LATS2: variants seen among roughly 807,000 people sequenced by gnomAD.
LATS2 encodes the protein large tumor suppressor kinase 2, also known as serine/threonine-protein kinase LATS2.
A neutral mutation model predicts 76.0 loss-of-function variants in LATS2; 24 were observed. That is an observed-to-expected ratio of 0.32 (90% CI 0.23 to 0.44). LATS2 has a LOEUF of 0.44. Ranked by LOEUF, LATS2 falls within the 20% of genes least tolerant of loss-of-function variation. LATS2 has a pLI of 1.00. For synonymous variants in LATS2, 692 were observed against 635.4 expected, an observed-to-expected ratio of 1.09 and a Z score of -1.34; for missense variants, 1,286 against 1,481.2, an observed-to-expected ratio of 0.87 and a Z score of 2.16.
In LATS2 at chr13:21,045,935, T is replaced by A. The variant is rs1873060543; in HGVS notation, c.92A>T (p.Lys31Met). ...EIREGLKQPS[K>M]SSVQGLPAGP... ...TGCGGGTAGCCCCTGAACCGAAGACTTGGATGGCTGTTTTAACCCCTCACG... is the reference window on the plus strand; with the variant it reads ...TGCGGGTAGCCCCTGAACCGAAGACATGGATGGCTGTTTTAACCCCTCACG... Residue 31 changes from lysine (K) to methionine (M), a missense_variant, in exon 2 of 8, where the codon AAG becomes ATG. By Grantham distance (95) the Lys-to-Met change is moderately conservative. Coordinates refer to ENST00000382592, the MANE Select transcript of LATS2 (RefSeq NM_014572.3). The A allele has an allele frequency of 4.3e-6, 7 of 1,614,230 alleles. No homozygotes were observed. Among genetic ancestry groups the A allele is most frequent in the African/African-American group, 1.3e-5 (1 of 75,068 alleles).
At position 20,974,776 on chromosome 13, in the gene LATS2, A is replaced by G. The variant is rs1302142555; in HGVS notation, c.*94T>C. 2 of 1,368,188 alleles carry G rather than the reference A, an allele frequency of 1.5e-6. No homozygotes were observed. Among genetic ancestry groups the G allele is most frequent in the Non-Finnish European group, 2.0e-6 (2 of 1,007,542 alleles). 84.8% of individuals were successfully genotyped at this position (1,368,188 alleles called of 1,614,324 possible). ...GTAATCGACGGACTAATTTAAAACAAAACAGCCCTCGGCTTCCCTATTGGC... is the reference window on the plus strand; with the variant it reads ...GTAATCGACGGACTAATTTAAAACAGAACAGCCCTCGGCTTCCCTATTGGC... On this transcript the variant is annotated 3_prime_UTR_variant, in exon 8 of 8. Coordinates refer to ENST00000382592, the MANE Select transcript of LATS2 (RefSeq NM_014572.3).
chr13:21,020,015 T>C (rs1295683461), intron 2 of LATS2, among the ~76,000 whole-genome samples: 3 of 151,480 alleles, frequency 2.0e-5, no homozygotes, highest in Non-Finnish European at 4.4e-5. Flanking sequence ...TGTCTTCTCA[T>C]TGGCATACTT....
Position 20,988,042 on chromosome 13 carries a change from C to A in LATS2, c.1738G>T (p.Val580Phe), listed in dbSNP as rs769047956. 3 of 1,614,122 alleles carry A rather than the reference C, an allele frequency of 1.9e-6. No homozygotes were observed. Among genetic ancestry groups the A allele is most frequent in the African/African-American group, 2.7e-5 (2 of 74,938 alleles). The change falls in exon 4 of 8, where the codon GTC (valine) becomes TTC (phenylalanine). Residue 580 changes from valine (V) to phenylalanine (F), a missense_variant. By Grantham distance (50) the Val-to-Phe change is conservative (BLOSUM62 -1). This residue lies in a region of LATS2 where 710 missense variants were observed against 660.9 expected (regional missense o/e 1.07). Transcript: ENST00000382592. ...TCTTCGTCTCTGCTGTTTTTGCGGA[C>A]GGGAACGGGAGAGGTCTGAATCTGC... ...KKQIQTSPVP[V>F]RKNSRDEEKR...
At chr13:21,049,503 C>T (rs932904869) in intron 1 of LATS2, among the ~76,000 whole-genome samples, 25 of 152,286 alleles carry the variant, frequency 1.6e-4, no homozygotes, top group Admixed American at 7.2e-4. Context: ...ATGGAGCTAC[C>T]AGGTGAGTGG....
At chr13:21,005,173 A>G (rs1871217281) in intron 2 of LATS2, 1 of 152,322 alleles carries the variant, frequency 6.6e-6, no homozygotes, top group Non-Finnish European at 1.5e-5. Context: ...ACTAAGTTAG[A>G]GAGAAACCCA....
intron 4 of LATS2, among the ~76,000 whole-genome samples, chr13:20,985,299 G>A (rs992259600): frequency 1.3e-5 from 2 of 152,180 alleles, no homozygotes; most frequent in African/African-American, 2.4e-5. Flanking sequence ...CTTCTGCAGA[G>A]CAAAGGAAAC....
intron 2 of LATS2, among the ~76,000 whole-genome samples, chr13:21,044,692 GT>G (rs1565964483): frequency 0.14 from 597 of 4,414 alleles, 5 homozygotes; most frequent in African/African-American, 0.17. Flanking sequence ...GTGTAGGGGT[GT>G]GTGTGTGTGT....
intron 2 of LATS2, among the ~76,000 whole-genome samples, chr13:21,031,452 G>A (rs1015718041): frequency 2.7e-4 from 41 of 152,042 alleles, no homozygotes; most frequent in African/African-American, 9.2e-4. Context: ...TTCTACTGCC[G>A]TACCTAATGT....
intron 2 of LATS2, among the ~76,000 whole-genome samples, chr13:21,030,482 G>T (rs796392534): frequency 2.6e-5 from 4 of 151,080 alleles, no homozygotes; most frequent in Admixed American, 2.6e-4. Context: ...CCAGCTACTC[G>T]GCAGGCTGAG....
chr13:21,039,154 G>A (rs531759229), intron 2 of LATS2, among the ~76,000 whole-genome samples: 111 of 152,174 alleles, frequency 7.3e-4, no homozygotes, highest in African/African-American at 2.3e-3. Flanking sequence ...GAAAAAAAAA[G>A]GGGAAAAGGC....
chr13:21,029,149 T>A (rs1214232748), intron 2 of LATS2, among the ~76,000 whole-genome samples: 1 of 152,232 alleles, frequency 6.6e-6, no homozygotes, highest in Non-Finnish European at 1.5e-5. Flanking sequence ...ACTGTATTAC[T>A]AATCTTAGAG....
intron 2 of LATS2, among the ~76,000 whole-genome samples, chr13:21,028,572 T>C (rs1872403242): frequency 6.6e-6 from 1 of 152,174 alleles, no homozygotes; most frequent in South Asian, 2.1e-4. Context: ...TAAATGAAAC[T>C]GCATCTTAAA....
At chr13:20,998,586 G>A (rs917189049) in intron 2 of LATS2, among the ~76,000 whole-genome samples, 1 of 152,176 alleles carries the variant, frequency 6.6e-6, no homozygotes, top group African/African-American at 2.4e-5. Flanking sequence ...AATTTCCAAA[G>A]GGTGTTCCAA....
At chr13:21,060,806 C>T (rs530845018) in intron 1 of LATS2, among the ~76,000 whole-genome samples, 1 of 151,296 alleles carries the variant, frequency 6.6e-6, no homozygotes, top group African/African-American at 2.4e-5. Flanking sequence ...GGGACGATGG[C>T]GCGGCCGGGA....
chr13:20,994,331 C>A (rs1870647290), intron 2 of LATS2, among the ~76,000 whole-genome samples: 1 of 152,174 alleles, frequency 6.6e-6, no homozygotes, highest in South Asian at 2.1e-4. Context: ...GTAAGTACTT[C>A]CTATCTGTAC....
intron 2 of LATS2, among the ~76,000 whole-genome samples, chr13:21,019,493 AT>A (rs67762203): frequency 6.6e-4 from 87 of 132,592 alleles, no homozygotes; most frequent in East Asian, 9.0e-4. Flanking sequence ...CGCCCAGCTA[AT>A]TTTTTTTTTT....
chr13:21,042,000 G>A (rs1423202438), intron 2 of LATS2, among the ~76,000 whole-genome samples: 1 of 152,154 alleles, frequency 6.6e-6, no homozygotes, highest in East Asian at 1.9e-4. Context: ...ATATTTAAAT[G>A]CAAACTTAAA....
intron 7 of LATS2, among the ~76,000 whole-genome samples, chr13:20,976,472 T>G (rs1415922022): frequency 6.6e-6 from 1 of 152,178 alleles, no homozygotes; most frequent in Non-Finnish European, 1.5e-5. Context: ...TTAAAACTTT[T>G]GTGCATCGAA....
At chr13:20,990,697 A>G (rs1870470336) in intron 3 of LATS2, among the ~76,000 whole-genome samples, 1 of 152,034 alleles carries the variant, frequency 6.6e-6, no homozygotes, top group Non-Finnish European at 1.5e-5. Flanking sequence ...TACCAATCAC[A>G]GGGCCCATGT....
Sources: gnomAD v4.1 joint callset for allele counts (sites outside exome capture counted in the v4.1 genomes callset) on GRCh38, gnomAD v4.1.1 for gene constraint, gnomAD v4.1.1 regional missense constraint, MANE v1.5 for transcripts, NCBI Gene and HGNC (gene_info 2026-07-23, HGNC 2026-07-21) for gene names.